ROCK1: variants seen among roughly 807,000 people sequenced by gnomAD.
ROCK1 encodes Rho associated coiled-coil containing protein kinase 1.
ROCK1 carries 36 observed loss-of-function variants against 196.8 expected under a neutral mutation model. The ratio of observed to expected loss-of-function variants is 0.18; its 90% CI spans 0.14 to 0.24. The LOEUF is 0.24. ROCK1 is among the 10% of genes least tolerant of loss of function. ROCK1 has a pLI of 1.00. For missense variants in ROCK1, 920 were observed against 1,562.0 expected, an observed-to-expected ratio of 0.59 and a Z score of 6.93; for synonymous variants, 443 against 515.9, an observed-to-expected ratio of 0.86 and a Z score of 1.91.
chr18:20,991,229 C>T lies in ROCK1; in HGVS notation c.2090G>A (p.Arg697His), dbSNP rs767793486. 51 of 1,612,976 alleles carry T rather than the reference C, an allele frequency of 3.2e-5. No individual in the cohort carries two copies. Among genetic ancestry groups the T allele is most frequent in the South Asian group, 1.8e-4 (16 of 90,872 alleles). ...EVNEHKVTKARLTDKHQSIEE... is the reference protein window; with the variant it reads ...EVNEHKVTKAHLTDKHQSIEE... ...AATAGATTGATGTTTGTCAGTTAAACGAGCTTTGGTTACTTTGTGTTCATT... is the reference window on the plus strand; with the variant it reads ...AATAGATTGATGTTTGTCAGTTAAATGAGCTTTGGTTACTTTGTGTTCATT... The change falls in exon 18 of 33, where the codon CGT becomes CAT. Residue 697 changes from arginine (R) to histidine (H), a missense_variant. Around this residue, in one of 6 missense-constraint regions of ROCK1, gnomAD observed 520 missense variants for 657.1 expected, o/e 0.79. Coordinates refer to ENST00000399799, the MANE Select transcript of ROCK1 (RefSeq NM_005406.3).
intron 2 of ROCK1, among the ~76,000 whole-genome samples, chr18:21,064,052 C>G (rs1423313986): frequency 6.6e-6 from 1 of 152,150 alleles, no homozygotes; most frequent in Non-Finnish European, 1.5e-5. Context: ...ATTTCTTTAT[C>G]TAAGTTTTTA....
intron 9 of ROCK1, among the ~76,000 whole-genome samples, chr18:21,034,061 A>G (rs1287213264): frequency 6.6e-6 from 1 of 151,000 alleles, no homozygotes; most frequent in African/African-American, 2.4e-5. Context: ...TGAAAAAAAA[A>G]GTCAAAAAGA....
At chr18:20,999,560 A>G (rs2035704296) in intron 16 of ROCK1, among the ~76,000 whole-genome samples, 1 of 152,230 alleles carries the variant, frequency 6.6e-6, no homozygotes, top group African/African-American at 2.4e-5. Context: ...TAAGAGCATC[A>G]AAAAGAATAA....
chr18:20,958,962 T>A lies in ROCK1; in HGVS notation c.3512+878A>T, dbSNP rs1199674423. 1.3e-4 allele frequency among the ~76,000 whole-genome samples: 12 copies of A among 92,754 alleles called. 1 individual carries two copies. Among genetic ancestry groups the A allele is most frequent in the African/African-American group, 5.2e-4 (12 of 22,978 alleles). 60.9% of individuals were successfully genotyped at this position (92,754 alleles called of 152,430 possible). On this transcript the variant is annotated intron_variant, in intron 29 of 32. Transcript: ENST00000399799. ...TAAAAAATAATATATATATTTTATATAATATATATAATATATATATTTTAT... is the reference window on the plus strand; with the variant it reads ...TAAAAAATAATATATATATTTTATAAAATATATATAATATATATATTTTAT...
rs1404666903 is a variant in ROCK1, at chr18:20,970,662, AT to A, written c.2655-150del. 5.3e-5 allele frequency: 31 copies of A among 584,942 alleles called. No individual in the cohort carries two copies. In the East Asian group the frequency reaches 7.1e-4, roughly 13 times the overall value. 36.2% of individuals were successfully genotyped at this position (584,942 alleles called of 1,614,324 possible). A position where few individuals can be genotyped will look rare whatever the true frequency, so the allele number is the denominator to read the frequency against. On this transcript the variant is annotated intron_variant, in intron 22 of 32. Transcript: ENST00000399799. ...AATTTAAATCCATTGCAAACTTTCT[AT>A]AAAAGTAATGAATTTAACCTCTCAC...
intron 10 of ROCK1, 33 bp from the exon 11 acceptor site, chr18:21,023,713 AAC>A (rs2035933717): frequency 7.9e-7 from 1 of 1,261,738 alleles, no homozygotes; most frequent in East Asian, 2.4e-5. Context: ...AAGAAAAGAA[AAC>A]AAAAAACTCT....
intron 1 of ROCK1, among the ~76,000 whole-genome samples, chr18:21,080,581 T>G (rs1452817145): frequency 6.6e-6 from 1 of 152,040 alleles, no homozygotes; most frequent in African/African-American, 2.4e-5. Flanking sequence ...AACACCATGA[T>G]CCAACTATAT....
At position 21,038,905 on chromosome 18, in the gene ROCK1, T is replaced by A. The variant is rs184688857; in HGVS notation, c.1051+567A>T. ...ATCATCTTGTAATTTTAACTTTTTT[T>A]AAAAAGTAAGAAAGTGTTCTAAACT... On this transcript the variant is annotated intron_variant, in intron 9 of 32. Transcript: ENST00000399799. Among the ~76,000 whole-genome samples, 1,253 of 152,330 alleles carry A rather than the reference T, an allele frequency of 8.2e-3. 7 individuals carry two copies. Among genetic ancestry groups the A allele is most frequent in the Non-Finnish European group, 0.014 (956 of 68,010 alleles).
chr18:20,998,598 T>A (rs2035693488), intron 16 of ROCK1, among the ~76,000 whole-genome samples: 4 of 86,136 alleles, frequency 4.6e-5, no homozygotes, highest in South Asian at 3.4e-4. Flanking sequence ...TTTACCAAAC[T>A]TTTTTTTTTT....
intron 16 of ROCK1, among the ~76,000 whole-genome samples, chr18:21,004,262 G>A (rs143271974): frequency 3.4e-3 from 517 of 152,202 alleles, no homozygotes; most frequent in African/African-American, 0.012. Flanking sequence ...ATATATGGAG[G>A]ACATTCAATT....
At chr18:21,049,316 A>G (rs1356563691) in intron 3 of ROCK1, 87 bp from the exon 4 acceptor site, 1 of 1,009,570 alleles carries the variant, frequency 9.9e-7, no homozygotes, top group Non-Finnish European at 1.4e-6. Flanking sequence ...AGTGCTTTTA[A>G]TACTTGCTAA....
At chr18:21,038,848 T>C (rs2036080854) in intron 9 of ROCK1, among the ~76,000 whole-genome samples, 1 of 152,248 alleles carries the variant, frequency 6.6e-6, no homozygotes. Context: ...CATGATAATT[T>C]TGATTCAGCT....
intron 2 of ROCK1, among the ~76,000 whole-genome samples, chr18:21,059,981 G>A (rs1471466446): frequency 6.6e-6 from 1 of 152,154 alleles, no homozygotes; most frequent in Non-Finnish European, 1.5e-5. Context: ...CTATAGAGTC[G>A]GCAAATCTAT....
chr18:20,958,969 T>TATATTTTATAAAAA (rs2035280407), intron 29 of ROCK1, among the ~76,000 whole-genome samples: 1 of 92,694 alleles, frequency 1.1e-5, no homozygotes, highest in African/African-American at 4.4e-5. Flanking sequence ...ATATAATATA[T>TATATTTTATAAAAA]ATAATATATA....
At chr18:21,059,090 AT>A (rs1389111967) in intron 2 of ROCK1, among the ~76,000 whole-genome samples, 2 of 152,084 alleles carry the variant, frequency 1.3e-5, no homozygotes, top group East Asian at 1.9e-4. Flanking sequence ...TGGCAAAAAA[AT>A]ATATATATAT....
chr18:21,035,699 T>C (rs1401322972), intron 9 of ROCK1, among the ~76,000 whole-genome samples: 1 of 152,186 alleles, frequency 6.6e-6, no homozygotes, highest in African/African-American at 2.4e-5. Flanking sequence ...ATCTTAAGTG[T>C]CTATTAACGG....
intron 25 of ROCK1, 139 bp downstream of exon 25, chr18:20,968,633 T>C (rs2035397001): frequency 1.2e-5 from 7 of 605,960 alleles, no homozygotes; most frequent in African/African-American, 1.9e-5. Context: ...AAATAAGTTT[T>C]TTATAGTTAG....
At chr18:21,056,963 T>C (rs1381117877) in intron 2 of ROCK1, among the ~76,000 whole-genome samples, 1 of 152,210 alleles carries the variant, frequency 6.6e-6, no homozygotes, top group African/African-American at 2.4e-5. Context: ...AAATGTCACC[T>C]TTTAACAAGG....
chr18:20,996,634 C>G (rs757567918), intron 16 of ROCK1, among the ~76,000 whole-genome samples: 84 of 152,108 alleles, frequency 5.5e-4, no homozygotes, highest in Non-Finnish European at 1.1e-3. Flanking sequence ...ATGGTAAGTA[C>G]ACTGAAAAAC....
Sources: allele counts gnomAD v4.1 joint callset (sites outside exome capture counted in the v4.1 genomes callset), GRCh38; gene constraint gnomAD v4.1.1; regional missense constraint gnomAD v4.1.1; transcripts MANE v1.5; gene names NCBI Gene and HGNC (gene_info 2026-07-23, HGNC 2026-07-21).